The following MBNL2 variants were observed in gnomAD, a reference collection of about 807,000 sequenced individuals.
MBNL2 encodes the protein muscleblind-like protein 2.
In MBNL2, 17 loss-of-function variants were observed where a neutral mutation model predicts 41.9. That is an observed-to-expected ratio of 0.41 (90% CI 0.28 to 0.61). MBNL2 has a LOEUF of 0.61. MBNL2 is among the 20% of genes least tolerant of loss of function. MBNL2 has a pLI of 0.35. For synonymous variants in MBNL2, 195 were observed against 182.9 expected (o/e 1.07, Z -0.53); for missense variants, 336 against 505.6 (o/e 0.66, Z 3.22).
At chr13:97,390,018 T>A (rs138155871) in intron 8 of MBNL2, among the ~76,000 whole-genome samples, 3 of 152,312 alleles carry the variant, frequency 2.0e-5, no homozygotes, top group African/African-American at 7.2e-5. Context: ...ATTTTATTCA[T>A]GTCTGTTAGT....
At position 97,357,570 on chromosome 13, in the gene MBNL2, T is replaced by G; in HGVS notation, c.947T>G (p.Val316Gly). Residue 316 changes from valine (V) to glycine (G), a missense_variant, in exon 7 of 9, where the codon GTC becomes GGC. Physicochemically the swap from Val to Gly is moderately radical, Grantham distance 109. Coordinates refer to ENST00000679496, the MANE Select transcript of MBNL2 (RefSeq NM_001382683.1). ...NGTSAVFNPS[V>G]LHYQQALTSA... ...ACCAGCGCGGTCTTTAACCCCAGCG[T>G]CTTGCACTACCAGCAGGCTCTCACC... is the stretch of plus-strand genomic sequence containing the variant. 1 of 1,610,964 alleles carries G rather than the reference T, an allele frequency of 6.2e-7. No homozygotes were observed. The highest frequency in any genetic ancestry group is 8.5e-7 in the Non-Finnish European group (1 of 1,177,944).
chr13:97,366,689 A>G lies in MBNL2; in HGVS notation c.1048+1518A>G. 1.4e-6 allele frequency: 1 copy of G among 706,380 alleles called. No homozygotes were observed. Among genetic ancestry groups the G allele is most frequent in the Non-Finnish European group, 2.6e-6 (1 of 386,618 alleles). The allele number at this position is 706,380 out of a possible 1,614,324, so 43.8% of individuals were successfully genotyped here. A position where few individuals can be genotyped will look rare whatever the true frequency, so the allele number is the denominator to read the frequency against. On this transcript the variant is annotated intron_variant, in intron 8 of 8. Coordinates refer to ENST00000679496, the MANE Select transcript of MBNL2 (RefSeq NM_001382683.1). This position sits in a 1 kb window ranked among gnomAD's most constrained non-coding sequence, Gnocchi z 4.7. ...TTTATTTTTTTAATTAGTTTATAGC[A>G]AGCATTTACAGACAGGTTGCACTTA...
intron 1 of MBNL2, among the ~76,000 whole-genome samples, chr13:97,263,682 A>C (rs575315047): frequency 1.3e-5 from 2 of 152,174 alleles, no homozygotes; most frequent in South Asian, 4.2e-4. Flanking sequence ...CGGTGGTGCT[A>C]TCTCTGCTCA....
At chr13:97,188,647 GA>G in the MBNL2 span, among the ~76,000 whole-genome samples, 102,282 of 147,078 alleles carry the variant, frequency 0.7, 35,450 homozygotes, top group African/African-American at 0.74. Context: ...AAAGAGAAAG[GA>G]AAAAAAAAAA....
Position 97,233,126 on chromosome 13 carries a change from C to CATATAT in MBNL2, c.-605+10640_-605+10645dup, listed in dbSNP as rs376967986. Among the ~76,000 whole-genome samples, 113 of 39,746 alleles carry CATATAT rather than the reference C, an allele frequency of 2.8e-3. 1 individual carries two copies. Among genetic ancestry groups the CATATAT allele is most frequent in the Non-Finnish European group, 4.0e-3 (75 of 18,594 alleles). The allele number at this position is 39,746 out of a possible 152,430, so 26.1% of individuals were successfully genotyped here. A position where few individuals can be genotyped will look rare whatever the true frequency, so the allele number is the denominator to read the frequency against. On this transcript the variant is annotated intron_variant, in intron 1 of 8. Coordinates refer to ENST00000679496, the MANE Select transcript of MBNL2 (RefSeq NM_001382683.1). ...GATGCTCTCGCTTCAGGCTCTTTTTCATATATATATATATATATATATATA... is the reference window on the plus strand; with the variant it reads ...GATGCTCTCGCTTCAGGCTCTTTTTCATATATATATATATATATATATATATATATA...
the MBNL2 span, among the ~76,000 whole-genome samples, chr13:97,173,958 C>T: frequency 6.6e-6 from 1 of 152,164 alleles, no homozygotes; most frequent in Non-Finnish European, 1.5e-5. Context: ...AAATTTATCA[C>T]ATTCTGCTAA....
chr13:97,338,166 G>T (rs2061051177), intron 3 of MBNL2, among the ~76,000 whole-genome samples: 1 of 152,080 alleles, frequency 6.6e-6, no homozygotes, highest in East Asian at 1.9e-4. Context: ...ATGACCTATG[G>T]CTTCTGTGAT....
the MBNL2 span, among the ~76,000 whole-genome samples, chr13:97,189,431 G>C: frequency 6.6e-6 from 1 of 152,182 alleles, no homozygotes; most frequent in South Asian, 2.1e-4. Flanking sequence ...TTTTAGTTTT[G>C]TTAGGATGAA....
At chr13:97,196,433 A>T in the MBNL2 span, among the ~76,000 whole-genome samples, 1 of 152,172 alleles carries the variant, frequency 6.6e-6, no homozygotes, top group African/African-American at 2.4e-5. Context: ...GAAAATTTTG[A>T]GGAACAGACG....
chr13:97,366,676 A>G lies in MBNL2; in HGVS notation c.1048+1505A>G. 1 of 720,740 alleles carries G rather than the reference A, an allele frequency of 1.4e-6. No individual in the cohort carries two copies. Among genetic ancestry groups the G allele is most frequent in the South Asian group, 1.5e-5 (1 of 65,140 alleles). 44.6% of individuals were successfully genotyped at this position (720,740 alleles called of 1,614,324 possible). Reference sequence around the variant, plus strand: ...TTATCCATCAAATTTTATTTTTTTAATTAGTTTATAGCAAGCATTTACAGA... The same window carrying G: ...TTATCCATCAAATTTTATTTTTTTAGTTAGTTTATAGCAAGCATTTACAGA... On this transcript the variant is annotated intron_variant, in intron 8 of 8. Transcript: ENST00000679496. This position sits in a 1 kb window ranked among gnomAD's most constrained non-coding sequence, Gnocchi z 4.7.
At chr13:97,344,521 C>G (rs181242621) in intron 4 of MBNL2, among the ~76,000 whole-genome samples, 4 of 152,284 alleles carry the variant, frequency 2.6e-5, no homozygotes, top group Non-Finnish European at 4.4e-5. Context: ...ATGTGGCTGC[C>G]TAATAACCTG....
chr13:97,258,916 C>G (rs1040189634), intron 1 of MBNL2, among the ~76,000 whole-genome samples: 3 of 152,174 alleles, frequency 2.0e-5, no homozygotes, highest in South Asian at 2.1e-4. Flanking sequence ...ATGTTAACCC[C>G]CCAGGCCAGA....
chr13:97,329,678 A>G (rs1432800340), intron 2 of MBNL2, among the ~76,000 whole-genome samples: 21 of 151,502 alleles, frequency 1.4e-4, no homozygotes, highest in Middle Eastern at 3.4e-3. Flanking sequence ...CATACAACAT[A>G]CACAACACAC....
the MBNL2 span, among the ~76,000 whole-genome samples, chr13:97,179,093 G>C: frequency 6.6e-6 from 1 of 152,114 alleles, no homozygotes; most frequent in Non-Finnish European, 1.5e-5. Context: ...GTAATTCACA[G>C]ACATATCAAC....
intron 2 of MBNL2, among the ~76,000 whole-genome samples, chr13:97,330,032 T>A (rs1398211427): frequency 6.6e-6 from 1 of 152,220 alleles, no homozygotes; most frequent in Non-Finnish European, 1.5e-5. Flanking sequence ...TTTGTTAACA[T>A]CTGTCTTCCC....
intron 2 of MBNL2, among the ~76,000 whole-genome samples, chr13:97,330,343 C>T (rs2060327437): frequency 1.3e-5 from 2 of 152,160 alleles, no homozygotes; most frequent in Non-Finnish European, 2.9e-5. Flanking sequence ...CTGGGAGGCT[C>T]TTCACAAGCA....
At chr13:97,225,742 G>A (rs1445675630) in intron 1 of MBNL2, among the ~76,000 whole-genome samples, 2 of 152,166 alleles carry the variant, frequency 1.3e-5, no homozygotes, top group East Asian at 1.9e-4. Context: ...AGGACAGTTC[G>A]CCCTGTTCAC....
intron 1 of MBNL2, among the ~76,000 whole-genome samples, chr13:97,226,414 A>T (rs895470077): frequency 6.6e-6 from 1 of 152,226 alleles, no homozygotes; most frequent in African/African-American, 2.4e-5. Flanking sequence ...ACAAGTGTTT[A>T]TTAAACACCT....
rs533330651 is a variant in MBNL2, at chr13:97,268,472, C to A, written c.-604-7160C>A. Among the ~76,000 whole-genome samples, 6 of 151,216 alleles carry A rather than the reference C, an allele frequency of 4.0e-5. No individual in the cohort carries two copies. The highest frequency in any genetic ancestry group is 1.5e-4 in the African/African-American group (6 of 40,522). Reference sequence around the variant, plus strand: ...GGCCCAGGCACAACACTTTAAAAACCGCTGGACTAAAGATCTGGGCATTGA... The same window carrying A: ...GGCCCAGGCACAACACTTTAAAAACAGCTGGACTAAAGATCTGGGCATTGA... On this transcript the variant is annotated intron_variant, in intron 1 of 8. Coordinates refer to ENST00000679496, the MANE Select transcript of MBNL2 (RefSeq NM_001382683.1). The surrounding 1 kb of genome is among the most constrained non-coding windows in gnomAD (Gnocchi z 4.6).
Sources: gnomAD v4.1 joint callset for allele counts (sites outside exome capture counted in the v4.1 genomes callset) on GRCh38, gnomAD v4.1.1 for gene constraint, Gnocchi (gnomAD v3.1) non-coding constraint, MANE v1.5 for transcripts, NCBI Gene and HGNC (gene_info 2026-07-23, HGNC 2026-07-21) for gene names.